NPAS1: variants seen among roughly 807,000 people sequenced by gnomAD.
NPAS1 encodes the protein neuronal PAS domain-containing protein 1.
Under a neutral mutation model 49.2 loss-of-function variants are expected in NPAS1, and 29 were observed. The ratio of observed to expected loss-of-function variants is 0.59; its 90% CI spans 0.44 to 0.80. NPAS1 has a LOEUF of 0.80. Among genes scored for constraint, NPAS1 ranks in the 30% least tolerant of loss-of-function variants. The pLI is 0.00. For missense variants in NPAS1, 825 were observed against 835.5 expected (o/e 0.99, Z 0.15); for synonymous variants, 408 against 380.4 (o/e 1.07, Z -0.84).
At position 47,045,432 on chromosome 19, in the gene NPAS1, C is replaced by T. The variant is rs556819132; in HGVS notation, c.1554C>T (p.Asp518=). The change falls in exon 12 of 12, where the codon GAC becomes GAT. Residue 518 remains aspartate, a synonymous_variant. Coordinates refer to ENST00000602212, the MANE Select transcript of NPAS1 (RefSeq NM_002517.4). ...VRPWGLAPPG[D]PPPTLLHAGF... ...CATGGGGCCTGGCGCCTCCCGGGGA[C>T]CCCCCGCCCACCCTCCTGCACGCGG... is the stretch of plus-strand genomic sequence containing the variant. 17 of 1,600,846 alleles carry T rather than the reference C, an allele frequency of 1.1e-5. No homozygotes were observed. Among genetic ancestry groups the T allele is most frequent in the Admixed American group, 3.4e-5 (2 of 58,604 alleles).
At chr19:47,033,612 T>A (rs977090324) in intron 5 of NPAS1, among the ~76,000 whole-genome samples, 4 of 152,090 alleles carry the variant, frequency 2.6e-5, no homozygotes, top group African/African-American at 9.7e-5. Context: ...TGCCAATGAC[T>A]GGCGGGCCAG....
chr19:47,045,113 T>G, intron 11 of NPAS1, 78 bp from the exon 12 acceptor site: 1 of 1,399,830 alleles, frequency 7.1e-7, no homozygotes, highest in Non-Finnish European at 9.8e-7. Context: ...TCTGGCCCAC[T>G]AAGCACAGCT....
intron 5 of NPAS1, among the ~76,000 whole-genome samples, chr19:47,034,485 A>G (rs1171510900): frequency 1.3e-5 from 2 of 152,200 alleles, no homozygotes; most frequent in Non-Finnish European, 2.9e-5. Flanking sequence ...AATTCAGTGC[A>G]TTGGCAACTT....
chr19:47,031,285 G>A (rs945152287), intron 3 of NPAS1, among the ~76,000 whole-genome samples: 4 of 149,030 alleles, frequency 2.7e-5, no homozygotes, highest in African/African-American at 7.4e-5. Context: ...TGCAACCTCC[G>A]CTTCCCAGGT....
At chr19:47,036,372 G>A (rs2056956065) in intron 6 of NPAS1, among the ~76,000 whole-genome samples, 3 of 152,214 alleles carry the variant, frequency 2.0e-5, no homozygotes, top group African/African-American at 7.2e-5. Context: ...AGTTGGGAGA[G>A]GCTTAGGTAA....
In NPAS1 at chr19:47,021,226, C is replaced by T. The variant is rs2056838896; in HGVS notation, c.122+57C>T. On this transcript the variant is annotated intron_variant, in intron 2 of 11. Transcript: ENST00000602212. This position sits in a 1 kb window ranked among gnomAD's most constrained non-coding sequence, Gnocchi z 5.7. ...CCCCCCCCCGGGTCCAATTCACACCCGATGTTCTGTCCCCGTGCCAAGGGG... is the reference window on the plus strand; with the variant it reads ...CCCCCCCCCGGGTCCAATTCACACCTGATGTTCTGTCCCCGTGCCAAGGGG... 3 of 1,419,788 alleles carry T rather than the reference C, an allele frequency of 2.1e-6. No individual in the cohort carries two copies. The highest frequency in any genetic ancestry group is 2.6e-5 in the East Asian group (1 of 38,130). 87.9% of individuals were successfully genotyped at this position (1,419,788 alleles called of 1,614,324 possible).
Position 47,021,193 on chromosome 19 carries a change from G to T in NPAS1, c.122+24G>T. 2 of 1,499,808 alleles carry T rather than the reference G, an allele frequency of 1.3e-6. No homozygotes were observed. Among genetic ancestry groups the T allele is most frequent in the East Asian group, 5.1e-5 (2 of 39,414 alleles). 92.9% of individuals were successfully genotyped at this position (1,499,808 alleles called of 1,614,324 possible). ...TGGTGAGCAAAGCCCCGCCCCCCTG[G>T]CCGCGGGCCCCCCCCCGGGTCCAAT... On this transcript the variant is annotated intron_variant, in intron 2 of 11. Transcript: ENST00000602212. This position sits in a 1 kb window ranked among gnomAD's most constrained non-coding sequence, Gnocchi z 5.7.
At chr19:47,041,696 C>G (rs1048100983) in intron 10 of NPAS1, among the ~76,000 whole-genome samples, 7 of 152,118 alleles carry the variant, frequency 4.6e-5, no homozygotes, top group Admixed American at 6.5e-5. Flanking sequence ...TGCTCTAGAC[C>G]GGACATGGTG....
rs1313904237 is a variant in NPAS1, at chr19:47,021,008, G to A, written c.-40G>A. 4 of 1,563,646 alleles carry A rather than the reference G, an allele frequency of 2.6e-6. No homozygotes were observed. The South Asian group carries it at 3.5e-5, about 14-fold the overall frequency. On this transcript the variant is annotated splice_region_variant and 5_prime_UTR_variant, in exon 2 of 12. Transcript: ENST00000602212. The surrounding 1 kb of genome is among the most constrained non-coding windows in gnomAD (Gnocchi z 5.7). Reference sequence around the variant, plus strand: ...CCCCTGGCCCCCTCCCGCTGCAGGAGACTCGGGGCTCGGAGCCCGCCTGAG... The same window carrying A: ...CCCCTGGCCCCCTCCCGCTGCAGGAAACTCGGGGCTCGGAGCCCGCCTGAG...
At chr19:47,038,516 A>C (rs1170177948) in intron 6 of NPAS1, among the ~76,000 whole-genome samples, 7 of 93,302 alleles carry the variant, frequency 7.5e-5, no homozygotes, top group Admixed American at 6.5e-4. Context: ...ACTCCAGCTC[A>C]AAAAAAAAAA....
At chr19:47,040,080 T>G (rs1379512677) in intron 8 of NPAS1, among the ~76,000 whole-genome samples, 1 of 152,086 alleles carries the variant, frequency 6.6e-6, no homozygotes, top group Non-Finnish European at 1.5e-5. Flanking sequence ...TGGAGTGCAG[T>G]GGCGCAATCT....
intron 9 of NPAS1, 74 bp from the exon 10 acceptor site, chr19:47,040,904 C>T: frequency 1.5e-6 from 2 of 1,296,372 alleles, no homozygotes; most frequent in Non-Finnish European, 2.1e-6. Context: ...CTGTCTCCTC[C>T]TGTCTACCTG....
chr19:47,023,452 G>A (rs1325762658), intron 3 of NPAS1, among the ~76,000 whole-genome samples: 1 of 152,128 alleles, frequency 6.6e-6, no homozygotes, highest in Non-Finnish European at 1.5e-5. Flanking sequence ...GACAGTGTGG[G>A]GGGGCTTGGT....
intron 3 of NPAS1, among the ~76,000 whole-genome samples, chr19:47,028,627 C>T (rs749811120): frequency 2.0e-5 from 3 of 152,146 alleles, no homozygotes; most frequent in Non-Finnish European, 2.9e-5. Flanking sequence ...CTGGCAAACC[C>T]GCTTGACAGA....
chr19:47,038,344 C>T (rs1320275794), intron 6 of NPAS1, among the ~76,000 whole-genome samples: 1 of 152,140 alleles, frequency 6.6e-6, no homozygotes, highest in Non-Finnish European at 1.5e-5. Context: ...TGGCGATACC[C>T]CGTCTCTACT....
rs766089673 is a variant in NPAS1, at chr19:47,045,442, A to C, written c.1564A>C (p.Thr522Pro). ...GLAPPGDPPPTLLHAGFLPPV... is the reference protein window; with the variant it reads ...GLAPPGDPPPPLLHAGFLPPV... The stretch of plus-strand genomic sequence containing the variant: ...GGCGCCTCCCGGGGACCCCCCGCCC[A>C]CCCTCCTGCACGCGGGCTTCCTGCC... The change falls in exon 12 of 12, where the codon ACC (threonine) becomes CCC (proline). Residue 522 changes from threonine (T) to proline (P), a missense_variant. Thr to Pro is a conservative substitution (Grantham distance 38, BLOSUM62 -1). Transcript: ENST00000602212. 3.1e-6 allele frequency: 5 copies of C among 1,597,020 alleles called. No homozygotes were observed. Among genetic ancestry groups the C allele is most frequent in the South Asian group, 1.1e-5 (1 of 89,592 alleles).
At chr19:47,043,029 C>T (rs920165910) in intron 11 of NPAS1, 125 bp downstream of exon 11, 18 of 704,104 alleles carry the variant, frequency 2.6e-5, no homozygotes, top group Admixed American at 8.2e-5. Flanking sequence ...AAATCCAGGC[C>T]GGTGCGGTGG....
chr19:47,019,904 G>A lies in NPAS1; in HGVS notation c.-136G>A, dbSNP rs1354278599. 5.3e-6 allele frequency: 2 copies of A among 377,600 alleles called. No homozygotes were observed. Among genetic ancestry groups the A allele is most frequent in the Admixed American group, 4.6e-5 (1 of 21,920 alleles). The allele number at this position is 377,600 out of a possible 1,614,324, so 23.4% of individuals were successfully genotyped here. A position where few individuals can be genotyped will look rare whatever the true frequency, so the allele number is the denominator to read the frequency against. On this transcript the variant is annotated 5_prime_UTR_variant, in exon 1 of 12. Transcript: ENST00000602212. ...CCCGCTGCGCCCCGCGCGCCCCGGG[G>A]TCTATGGAGCTGCCCCTCCGCGCCG...
Position 47,035,822 on chromosome 19 carries a change from GTTTTT to G in NPAS1, c.523-139_523-135del, listed in dbSNP as rs1304594892. ...TCCGTTTGAAAGGTAATTGTTTTTT[GTTTTT>G]TTCTTTTCTTAAAAAAACACACTGG... On this transcript the variant is annotated intron_variant, in intron 5 of 11. Transcript: ENST00000602212. The G allele has an allele frequency of 3.7e-6, 3 of 818,990 alleles. No individual in the cohort carries two copies. In the East Asian group the frequency reaches 8.6e-5, roughly 24 times the overall value. 50.7% of individuals were successfully genotyped at this position (818,990 alleles called of 1,614,324 possible). A position where few individuals can be genotyped will look rare whatever the true frequency, so the allele number is the denominator to read the frequency against.
Sources: gnomAD v4.1 joint callset for allele counts (sites outside exome capture counted in the v4.1 genomes callset) on GRCh38, gnomAD v4.1.1 for gene constraint, Gnocchi (gnomAD v3.1) non-coding constraint, MANE v1.5 for transcripts, NCBI Gene and HGNC (gene_info 2026-07-23, HGNC 2026-07-21) for gene names.